The following LUZP2 variants were observed in gnomAD, a reference collection of about 807,000 sequenced individuals.
LUZP2 encodes leucine zipper protein 2.
LUZP2 carries 52 observed loss-of-function variants against 51.6 expected under a neutral mutation model. The observed-to-expected ratio is 1.01, with a 90% CI of 0.81 to 1.27. LUZP2 has a LOEUF of 1.27. LUZP2 is among the 50% of genes most tolerant of loss of function. The pLI, the probability that LUZP2 is intolerant of heterozygous loss-of-function variation, is 0.00. For synonymous variants in LUZP2, 154 were observed against 137.3 expected (o/e 1.12, Z -0.85); for missense variants, 436 against 395.4 (o/e 1.10, Z -0.87).
At position 24,911,216 on chromosome 11, in the gene LUZP2, T is replaced by C. The variant is rs75438830; in HGVS notation, c.460-3260T>C. 6.5e-3 allele frequency among the ~76,000 whole-genome samples: 983 copies of C among 152,176 alleles called. 18 individuals are homozygous for C. The highest frequency in any genetic ancestry group is 0.06 in the East Asian group (312 of 5,160). ...TTACAGGCTCATAGGCAGAAGGGAA[T>C]TGTGTTCTCAGATGAGATGTTGGAC... On this transcript the variant is annotated intron_variant, in intron 6 of 11. Coordinates refer to ENST00000336930, the MANE Select transcript of LUZP2 (RefSeq NM_001009909.4).
rs939411928 is a variant in LUZP2, at chr11:24,704,954, A to G, written c.63-24215A>G. Among the ~76,000 whole-genome samples, 4 of 152,188 alleles carry G rather than the reference A, an allele frequency of 2.6e-5. No individual in the cohort carries two copies. In the South Asian group the frequency reaches 8.3e-4, roughly 31 times the overall value. On this transcript the variant is annotated intron_variant, in intron 1 of 11. Coordinates refer to ENST00000336930, the MANE Select transcript of LUZP2 (RefSeq NM_001009909.4). ...TACCACAAATGCCTTGGGCTCATAC[A>G]TCTTTAGAATGAGCAGCCATGTCTG...
intron 1 of LUZP2, among the ~76,000 whole-genome samples, chr11:24,594,758 T>C: frequency 7.4e-6 from 1 of 134,582 alleles, no homozygotes; most frequent in African/African-American, 2.8e-5. Context: ...CACTTTTTTT[T>C]TTTTTTTTTT....
At chr11:24,575,764 C>A (rs965092451) in intron 1 of LUZP2, among the ~76,000 whole-genome samples, 28 of 152,220 alleles carry the variant, frequency 1.8e-4, no homozygotes, top group African/African-American at 6.7e-4. Context: ...TAACCATATT[C>A]CATGCTTCTA....
At chr11:24,595,181 G>GAAATAA (rs1853400554) in intron 1 of LUZP2, among the ~76,000 whole-genome samples, 1 of 143,984 alleles carries the variant, frequency 6.9e-6, no homozygotes. Flanking sequence ...ATTAGATTCT[G>GAAATAA]AAAAAAAAAA....
intron 1 of LUZP2, among the ~76,000 whole-genome samples, chr11:24,556,434 G>T (rs1851871095): frequency 6.6e-6 from 1 of 152,098 alleles, no homozygotes; most frequent in Admixed American, 6.6e-5. Context: ...TGTCAAGGAA[G>T]ATTCTGACAT....
intron 1 of LUZP2, among the ~76,000 whole-genome samples, chr11:24,577,981 G>A (rs143066633): frequency 3.9e-5 from 6 of 152,214 alleles, no homozygotes; most frequent in East Asian, 1.9e-4. Context: ...TGCCATCAGC[G>A]TTCTGTACTT....
At chr11:24,949,336 CTA>C (rs1855008176) in intron 7 of LUZP2, among the ~76,000 whole-genome samples, 1 of 104,346 alleles carries the variant, frequency 9.6e-6, no homozygotes, top group South Asian at 3.0e-4. Flanking sequence ...ATCTATCTCT[CTA>C]TCTATCTATG....
intron 7 of LUZP2, among the ~76,000 whole-genome samples, chr11:24,963,418 C>A (rs970183172): frequency 1.1e-4 from 16 of 152,184 alleles, no homozygotes; most frequent in Admixed American, 9.2e-4. Flanking sequence ...TGGGCTCCAC[C>A]CAGTTCGAGC....
chr11:25,006,073 GA>G (rs1043864735), intron 9 of LUZP2, among the ~76,000 whole-genome samples: 4 of 146,458 alleles, frequency 2.7e-5, no homozygotes, highest in Admixed American at 2.1e-4. Flanking sequence ...GCTTGTCTGA[GA>G]AGGGATCCTA....
chr11:24,887,657 T>A (rs1436258689), intron 5 of LUZP2, among the ~76,000 whole-genome samples: 1 of 152,212 alleles, frequency 6.6e-6, no homozygotes, highest in Non-Finnish European at 1.5e-5. Context: ...AAACTTGTAT[T>A]CAAAATGGAT....
intron 7 of LUZP2, among the ~76,000 whole-genome samples, chr11:24,962,952 C>G (rs1173261565): frequency 2.0e-5 from 3 of 152,070 alleles, no homozygotes; most frequent in Non-Finnish European, 2.9e-5. Flanking sequence ...TGTGGATGTC[C>G]TTTCTGTTTG....
At chr11:24,921,949 A>G (rs993899545) in intron 7 of LUZP2, among the ~76,000 whole-genome samples, 1 of 152,176 alleles carries the variant, frequency 6.6e-6, no homozygotes, top group Admixed American at 6.5e-5. Flanking sequence ...CTCTTTCACA[A>G]TGAAAGAATT....
intron 1 of LUZP2, among the ~76,000 whole-genome samples, chr11:24,634,141 T>C (rs1854993214): frequency 6.6e-6 from 1 of 152,038 alleles, no homozygotes; most frequent in African/African-American, 2.4e-5. Context: ...TCATCTTATA[T>C]GTAAATGAAT....
intron 5 of LUZP2, among the ~76,000 whole-genome samples, chr11:24,834,262 C>A (rs1419868277): frequency 6.6e-6 from 1 of 151,994 alleles, no homozygotes; most frequent in Admixed American, 6.6e-5. Context: ...CACCCCCCAA[C>A]AGGCCCCAGG....
chr11:24,891,174 A>C (rs1852842539), intron 5 of LUZP2: 1 of 984,928 alleles, frequency 1.0e-6, no homozygotes, highest in African/African-American at 1.7e-5. Context: ...AACCGACAGT[A>C]TCTAATGTGA....
In LUZP2 at chr11:24,882,885, G is replaced by T. The variant is rs191994280; in HGVS notation, c.397-23106G>T. On this transcript the variant is annotated intron_variant, in intron 5 of 11. Coordinates refer to ENST00000336930, the MANE Select transcript of LUZP2 (RefSeq NM_001009909.4). ...AAGGAAGAAAGAAAATAAAGAAAAAGAAGGAAAGAAAAAGAAAGAGAAAGA... is the reference window on the plus strand; with the variant it reads ...AAGGAAGAAAGAAAATAAAGAAAAATAAGGAAAGAAAAAGAAAGAGAAAGA... Among the ~76,000 whole-genome samples, 62 of 122,066 alleles carry T rather than the reference G, an allele frequency of 5.1e-4. 1 individual carries two copies. The East Asian group carries it at 8.8e-3, about 17-fold the overall frequency. 80.1% of individuals were successfully genotyped at this position (122,066 alleles called of 152,430 possible).
chr11:24,776,447 C>G (rs553666941), intron 5 of LUZP2, among the ~76,000 whole-genome samples: 1 of 152,222 alleles, frequency 6.6e-6, no homozygotes, highest in South Asian at 2.1e-4. Flanking sequence ...ACACAGATTT[C>G]CCACAGGAAA....
chr11:24,565,703 A>G (rs553893622), intron 1 of LUZP2, among the ~76,000 whole-genome samples: 2 of 152,300 alleles, frequency 1.3e-5, no homozygotes, highest in South Asian at 2.1e-4. Context: ...AAGAATACAC[A>G]AGATTACAAA....
intron 1 of LUZP2, among the ~76,000 whole-genome samples, chr11:24,564,151 C>T (rs1383479196): frequency 1.3e-5 from 2 of 152,092 alleles, no homozygotes; most frequent in Non-Finnish European, 2.9e-5. Flanking sequence ...ACATAATCTT[C>T]CTTCTCAAAC....
Sources: allele counts gnomAD v4.1 joint callset (sites outside exome capture counted in the v4.1 genomes callset), GRCh38; gene constraint gnomAD v4.1.1; transcripts MANE v1.5; gene names NCBI Gene and HGNC (gene_info 2026-07-23, HGNC 2026-07-21).